The following BTAF1 variants were observed in gnomAD, a reference collection of about 807,000 sequenced individuals.
BTAF1 encodes TATA-binding protein-associated factor 172.
In BTAF1, 38 loss-of-function variants were observed where a neutral mutation model predicts 227.1. That is an observed-to-expected ratio of 0.17 (90% confidence interval 0.13 to 0.22). The LOEUF is 0.22. BTAF1 is among the 10% of genes least tolerant of loss of function. BTAF1 has a pLI of 1.00. For synonymous variants in BTAF1, 742 were observed against 751.9 expected (o/e 0.99, Z 0.21); for missense variants, 1,598 against 2,204.0 (o/e 0.73, Z 5.51).
At chr10:91,991,797 GTATATATATATATATATATATA>G (rs1166615338) in intron 20 of BTAF1, among the ~76,000 whole-genome samples, 2 of 10,008 alleles carry the variant, frequency 2.0e-4, no homozygotes, top group African/African-American at 3.7e-4. Flanking sequence ...GTGTGTGTGT[GTATATATATATATATATATATA>G]TATATATATA....
chr10:91,994,441 C>CT, intron 22 of BTAF1, 94 bp from the exon 23 acceptor site: 1 of 823,644 alleles, frequency 1.2e-6, no homozygotes, highest in Non-Finnish European at 1.9e-6. Flanking sequence ...AAAATTGACT[C>CT]TCCTATGCTA....
At chr10:91,944,668 C>T (rs576711556) in intron 4 of BTAF1, among the ~76,000 whole-genome samples, 16 of 152,300 alleles carry the variant, frequency 1.1e-4, no homozygotes, top group South Asian at 2.1e-4. Context: ...AGAACATTTT[C>T]GTCACTTTAA....
At chr10:91,939,724 C>T (rs569562357) in intron 2 of BTAF1, among the ~76,000 whole-genome samples, 34 of 152,290 alleles carry the variant, frequency 2.2e-4, no homozygotes, top group African/African-American at 8.2e-4. Context: ...AGGTGTGAGC[C>T]ACTGTGCCTG....
intron 1 of BTAF1, among the ~76,000 whole-genome samples, chr10:91,927,470 T>C (rs1424909186): frequency 2.0e-5 from 3 of 152,212 alleles, no homozygotes; most frequent in African/African-American, 7.2e-5. Flanking sequence ...TTTGCACCAA[T>C]ACATATTCCT....
Position 91,989,508 on chromosome 10 carries a change from T to C in BTAF1, c.2782T>C (p.Cys928Arg). Residue 928 changes from cysteine (C) to arginine (R), a missense_variant, in exon 20 of 38, where the codon TGT (cysteine) becomes CGT (arginine). This residue lies in a region of BTAF1 where 425 missense variants were observed against 491.2 expected (regional missense o/e 0.87). Coordinates refer to ENST00000265990, the MANE Select transcript of BTAF1 (RefSeq NM_003972.3). Reference protein sequence around the residue: ...KIIKNLCSSLCVDPYLTPCVT... With the variant: ...KIIKNLCSSLRVDPYLTPCVT... ...TATTAAAAACCTCTGTAGCTCACTT[T>C]GTGTGGACCCATATCTAACTCCTTG... The C allele has an allele frequency of 6.2e-7, 1 of 1,613,802 alleles. No homozygotes were observed. Among genetic ancestry groups the C allele is most frequent in the Non-Finnish European group, 8.5e-7 (1 of 1,180,030 alleles).
Position 92,009,788 on chromosome 10 carries a change from G to A in BTAF1, c.4103+580G>A, listed in dbSNP as rs113545620. Among the ~76,000 whole-genome samples, 505 of 152,212 alleles carry A rather than the reference G, an allele frequency of 3.3e-3. 11 individuals carry two copies. Among genetic ancestry groups the A allele is most frequent in the African/African-American group, 0.012 (494 of 41,532 alleles). On this transcript the variant is annotated intron_variant, in intron 28 of 37. Coordinates refer to ENST00000265990, the MANE Select transcript of BTAF1 (RefSeq NM_003972.3). ...GCAGTCATGGCTGCACTAAATTTTA[G>A]CATTGTTTCAGCTTTACCCCTTCCC...
intron 34 of BTAF1, among the ~76,000 whole-genome samples, chr10:92,023,742 TCTC>T (rs1851300465): frequency 6.6e-6 from 1 of 152,236 alleles, no homozygotes; most frequent in East Asian, 1.9e-4. Flanking sequence ...TTCCAGCAAT[TCTC>T]CTGTCTCAGC....
intron 14 of BTAF1, among the ~76,000 whole-genome samples, chr10:91,978,012 A>C: frequency 6.6e-6 from 1 of 152,194 alleles, no homozygotes; most frequent in East Asian, 1.9e-4. Flanking sequence ...CTGCATTGAC[A>C]CATTATTATC....
Position 92,031,391 on chromosome 10 carries a change from G to A in BTAF1, c.*2458G>A, listed in dbSNP as rs1207750668. The stretch of plus-strand genomic sequence containing the variant: ...GGTATAGCCTTATTCCTTCTGGATG[G>A]TTTATATGAACTTACTTATTCAAAA... On this transcript the variant is annotated 3_prime_UTR_variant, in exon 38 of 38. Coordinates refer to ENST00000265990, the MANE Select transcript of BTAF1 (RefSeq NM_003972.3). 6.6e-6 allele frequency among the ~76,000 whole-genome samples: 1 copy of A among 152,114 alleles called. No individual in the cohort carries two copies. Among genetic ancestry groups the A allele is most frequent in the South Asian group, 2.1e-4 (1 of 4,832 alleles).
intron 2 of BTAF1, among the ~76,000 whole-genome samples, chr10:91,937,511 T>TA (rs1844708818): frequency 6.6e-6 from 1 of 152,208 alleles, no homozygotes; most frequent in South Asian, 2.1e-4. Flanking sequence ...AAACTAACTT[T>TA]ATAGGAAGAT....
chr10:91,926,408 A>G (rs1843833777), intron 1 of BTAF1, among the ~76,000 whole-genome samples: 1 of 152,214 alleles, frequency 6.6e-6, no homozygotes, highest in African/African-American at 2.4e-5. Flanking sequence ...TGGTCAAGAA[A>G]TTTGAGAATG....
At chr10:92,026,848 T>A in intron 36 of BTAF1, 97 bp downstream of exon 36, 1 of 1,308,824 alleles carries the variant, frequency 7.6e-7, no homozygotes, top group Non-Finnish European at 1.0e-6. Context: ...GCTCTGGTGT[T>A]AACATACATG....
chr10:91,991,777 G>A (rs2944727), intron 20 of BTAF1, among the ~76,000 whole-genome samples: 80,899 of 111,532 alleles, frequency 0.73, 27,049 homozygotes, highest in East Asian at 0.8. Context: ...TTATATATAT[G>A]TGTGTGTGTG....
At chr10:91,995,276 A>C (rs1849055823) in intron 23 of BTAF1, among the ~76,000 whole-genome samples, 1 of 152,170 alleles carries the variant, frequency 6.6e-6, no homozygotes, top group Non-Finnish European at 1.5e-5. Flanking sequence ...TATTTAACAC[A>C]AAAGGGAGAA....
chr10:91,966,673 C>G lies in BTAF1; in HGVS notation c.1566C>G (p.Val522=), dbSNP rs1353574648. The G allele has an allele frequency of 6.2e-6, 10 of 1,613,876 alleles. No homozygotes were observed. The highest frequency in any genetic ancestry group is 8.5e-6 in the Non-Finnish European group (10 of 1,179,898). ...CACTGACAGTTTTAGTTCCACGTGT[C>G]TGGCCTTTTTTGCATCACACTATAT... ...QQSLTVLVPR[V]WPFLHHTISS... Residue 522 remains valine (V), a synonymous_variant, in exon 14 of 38, where the codon GTC becomes GTG. Coordinates refer to ENST00000265990, the MANE Select transcript of BTAF1 (RefSeq NM_003972.3).
intron 5 of BTAF1, among the ~76,000 whole-genome samples, chr10:91,952,260 G>C (rs10882007): frequency 6.6e-6 from 1 of 151,792 alleles, no homozygotes; most frequent in African/African-American, 2.4e-5. Context: ...CAGATTGACC[G>C]CATTCTTTTT....
chr10:91,982,220 AGC>A lies in BTAF1; in HGVS notation c.2044_2045del (p.Ala682GlnfsTer12). 1 of 1,613,962 alleles carries A rather than the reference AGC, an allele frequency of 6.2e-7. No homozygotes were observed. Among genetic ancestry groups the A allele is most frequent in the South Asian group, 1.1e-5 (1 of 91,068 alleles). ...FVVMRARMMA[A>X]KLLGALCCCI... ...TAGTTATGCGGGCCAGAATGATGGC[AGC>A]CAAGTGAGTGTACATTAAGTGTCAG... On this transcript the variant is annotated frameshift_variant, in exon 17 of 38. Transcript: ENST00000265990. LOFTEE classifies it high-confidence loss of function.
In BTAF1 at chr10:91,925,814, C is replaced by G. The variant is rs1372468837; in HGVS notation, c.14+1724C>G. Among the ~76,000 whole-genome samples, 3 of 152,192 alleles carry G rather than the reference C, an allele frequency of 2.0e-5. No homozygotes were observed. In the East Asian group the frequency reaches 5.8e-4, roughly 29 times the overall value. ...CGTGAGCCACCGCGCCCAGCCAACACTAATCTCTTTACGGAATTTTAGGAC... is the reference window on the plus strand; with the variant it reads ...CGTGAGCCACCGCGCCCAGCCAACAGTAATCTCTTTACGGAATTTTAGGAC... On this transcript the variant is annotated intron_variant, in intron 1 of 37. Transcript: ENST00000265990.
At position 91,993,930 on chromosome 10, in the gene BTAF1, C is replaced by G; in HGVS notation, c.3199+83C>G. On this transcript the variant is annotated intron_variant, in intron 22 of 37. Coordinates refer to ENST00000265990, the MANE Select transcript of BTAF1 (RefSeq NM_003972.3). Reference sequence around the variant, plus strand: ...ATATATCCTTATAAAATAAAAATGCCTCTATGCCTCTACCTGTTTATTCCA... The same window carrying G: ...ATATATCCTTATAAAATAAAAATGCGTCTATGCCTCTACCTGTTTATTCCA... The G allele has an allele frequency of 2.8e-6, 3 of 1,064,902 alleles. No individual in the cohort carries two copies. The South Asian group carries it at 9.3e-5, about 33-fold the overall frequency. 66.0% of individuals were successfully genotyped at this position (1,064,902 alleles called of 1,614,324 possible). A position where few individuals can be genotyped will look rare whatever the true frequency, so the allele number is the denominator to read the frequency against.
Sources: allele counts gnomAD v4.1 joint callset (sites outside exome capture counted in the v4.1 genomes callset), GRCh38; gene constraint gnomAD v4.1.1; regional missense constraint gnomAD v4.1.1; transcripts MANE v1.5; gene names NCBI Gene and HGNC (gene_info 2026-07-23, HGNC 2026-07-21).